The following ZFPM2 variants were observed in gnomAD, a reference collection of about 807,000 sequenced individuals.
ZFPM2 encodes the protein zinc finger protein, FOG family member 2, also known as zinc finger protein ZFPM2.
In ZFPM2, 20 loss-of-function variants were observed where a neutral mutation model predicts 98.6. That is an observed-to-expected ratio of 0.20 (90% CI 0.14 to 0.29). ZFPM2 has a LOEUF of 0.29. Ranked by LOEUF, ZFPM2 falls within the 10% of genes least tolerant of loss-of-function variation. The pLI is 1.00. For missense variants in ZFPM2, 1,310 were observed against 1,388.6 expected (o/e 0.94, Z 0.90); for synonymous variants, 518 against 502.7 (o/e 1.03, Z -0.41).
intron 5 of ZFPM2, among the ~76,000 whole-genome samples, chr8:105,697,442 T>C (rs546330892): frequency 6.6e-6 from 1 of 152,286 alleles, no homozygotes; most frequent in South Asian, 2.1e-4. Flanking sequence ...AAAGACAGCT[T>C]ATTAAAGGAT....
chr8:105,563,875 T>A (rs1815190387), intron 4 of ZFPM2, among the ~76,000 whole-genome samples: 1 of 152,158 alleles, frequency 6.6e-6, no homozygotes. Flanking sequence ...CTGTATCAGC[T>A]ATAGTTGACA....
At chr8:105,644,190 C>T (rs1333161905) in intron 5 of ZFPM2, among the ~76,000 whole-genome samples, 17 of 152,014 alleles carry the variant, frequency 1.1e-4, no homozygotes, top group Non-Finnish European at 2.5e-4. Context: ...TGCATGGGCT[C>T]CTTGCTTTTG....
chr8:105,779,949 C>A (rs1035050847), intron 5 of ZFPM2, among the ~76,000 whole-genome samples: 2 of 152,120 alleles, frequency 1.3e-5, no homozygotes, highest in African/African-American at 4.8e-5. Flanking sequence ...CACGTCACTG[C>A]GGTTTTGACA....
At chr8:105,591,349 T>C (rs1257218635) in intron 4 of ZFPM2, among the ~76,000 whole-genome samples, 2 of 152,136 alleles carry the variant, frequency 1.3e-5, no homozygotes, top group Non-Finnish European at 2.9e-5. Flanking sequence ...TTTTCATTTA[T>C]GATAGTTTTC....
chr8:105,737,899 A>T (rs1812116557), intron 5 of ZFPM2: 1 of 152,000 alleles, frequency 6.6e-6, no homozygotes, highest in Non-Finnish European at 1.5e-5. Flanking sequence ...GTGCTTTCTT[A>T]TAATGGGAGC....
At chr8:105,634,579 G>A (rs543733778) in intron 5 of ZFPM2, among the ~76,000 whole-genome samples, 1 of 152,006 alleles carries the variant, frequency 6.6e-6, no homozygotes, top group Admixed American at 6.5e-5. Context: ...TTTACTTAGT[G>A]CCTTATACAT....
intron 3 of ZFPM2, among the ~76,000 whole-genome samples, chr8:105,478,451 G>A (rs965652641): frequency 6.6e-6 from 1 of 152,176 alleles, no homozygotes; most frequent in African/African-American, 2.4e-5. Flanking sequence ...CCAAGACCCG[G>A]TGAGACTGGA....
At chr8:105,333,038 G>A (rs765017569) in intron 1 of ZFPM2, among the ~76,000 whole-genome samples, 1 of 151,636 alleles carries the variant, frequency 6.6e-6, no homozygotes, top group African/African-American at 2.4e-5. Context: ...AGTGTATTTT[G>A]TATTTGCTTG....
chr8:105,406,287 C>G (rs545864428), intron 1 of ZFPM2, among the ~76,000 whole-genome samples: 2 of 152,140 alleles, frequency 1.3e-5, no homozygotes, highest in East Asian at 3.9e-4. Flanking sequence ...TTAATTAGAT[C>G]CCAATTGTCA....
At chr8:105,604,315 A>G (rs548328444) in intron 4 of ZFPM2, among the ~76,000 whole-genome samples, 1 of 152,088 alleles carries the variant, frequency 6.6e-6, no homozygotes, top group East Asian at 1.9e-4. Context: ...TTCCAGAGCT[A>G]TCCTGGTTGA....
At chr8:105,671,879 G>C (rs957596466) in intron 5 of ZFPM2, among the ~76,000 whole-genome samples, 1 of 152,062 alleles carries the variant, frequency 6.6e-6, no homozygotes, top group Non-Finnish European at 1.5e-5. Flanking sequence ...CTAGCACAAA[G>C]AGAGTACAGA....
chr8:105,727,631 G>C (rs1477629395), intron 5 of ZFPM2, among the ~76,000 whole-genome samples: 1 of 151,636 alleles, frequency 6.6e-6, no homozygotes, highest in Non-Finnish European at 1.5e-5. Context: ...TCATCCCCTG[G>C]TACTTTGTTC....
intron 2 of ZFPM2, among the ~76,000 whole-genome samples, chr8:105,422,579 G>C (rs879677670): frequency 1.3e-5 from 2 of 152,000 alleles, no homozygotes; most frequent in African/African-American, 2.4e-5. Flanking sequence ...GAAGTTTCTT[G>C]GTCTAAAGGC....
chr8:105,375,056 G>T (rs1810696244), intron 1 of ZFPM2, among the ~76,000 whole-genome samples: 2 of 152,062 alleles, frequency 1.3e-5, no homozygotes, highest in Admixed American at 6.6e-5. Flanking sequence ...GTTTGTATTT[G>T]GGGGCAAGGA....
At chr8:105,456,146 G>GTTTTTTTTTTTTTTTTTTTT (rs200639878) in intron 3 of ZFPM2, among the ~76,000 whole-genome samples, 1 of 93,284 alleles carries the variant, frequency 1.1e-5, no homozygotes. Flanking sequence ...CCAGGAAAAT[G>GTTTTTTTTTTTTTTTTTTTT]TTTTTTTTTG....
At chr8:105,699,041 A>T (rs1563526738) in intron 5 of ZFPM2, among the ~76,000 whole-genome samples, 1 of 152,166 alleles carries the variant, frequency 6.6e-6, no homozygotes, top group African/African-American at 2.4e-5. Flanking sequence ...TAAGTTATTT[A>T]AAAAAGATCT....
At chr8:105,619,157 A>G (rs948937641) in intron 4 of ZFPM2, among the ~76,000 whole-genome samples, 1 of 152,088 alleles carries the variant, frequency 6.6e-6, no homozygotes, top group Admixed American at 6.6e-5. Flanking sequence ...TAACTATAAA[A>G]TTAAAGTGTG....
chr8:105,698,383 C>G (rs1811068091), intron 5 of ZFPM2, among the ~76,000 whole-genome samples: 1 of 152,190 alleles, frequency 6.6e-6, no homozygotes, highest in Admixed American at 6.5e-5. Flanking sequence ...TGCATATCAA[C>G]ATATTCAAAG....
At chr8:105,410,627 G>T (rs1423571887) in intron 1 of ZFPM2, among the ~76,000 whole-genome samples, 2 of 151,796 alleles carry the variant, frequency 1.3e-5, no homozygotes, top group East Asian at 1.9e-4. Flanking sequence ...ACTAATTTTT[G>T]ATGTAAACGT....
Sources: gnomAD v4.1 joint callset for allele counts (sites outside exome capture counted in the v4.1 genomes callset) on GRCh38, gnomAD v4.1.1 for gene constraint, MANE v1.5 for transcripts, NCBI Gene and HGNC (gene_info 2026-07-23, HGNC 2026-07-21) for gene names.